The following ATP8B1 variants were observed in gnomAD, a reference collection of about 807,000 sequenced individuals.
The protein encoded by ATP8B1 is phospholipid-transporting ATPase IC.
In ATP8B1, 80 loss-of-function variants were observed where a neutral mutation model predicts 149.9. That is an observed-to-expected ratio of 0.53 (90% CI 0.45 to 0.64). The LOEUF is 0.64. Among genes scored for constraint, ATP8B1 ranks in the 30% least tolerant of loss-of-function variants. ATP8B1 has a pLI of 0.00. For missense variants in ATP8B1, 1,247 were observed against 1,552.6 expected (o/e 0.80, Z 3.31); for synonymous variants, 536 against 562.8 (o/e 0.95, Z 0.67).
rs746056286 is a variant in ATP8B1 at position 57,648,611 on chromosome 18, G to A, written c.3633C>T (p.Phe1211=). ...GGTCCGCGTAGCCCCGCTGGTGCGAGAAGGCGTAGGCCGAGCGCCGCGTTG... is the reference window on the plus strand; with the variant it reads ...GGTCCGCGTAGCCCCGCTGGTGCGAAAAGGCGTAGGCCGAGCGCCGCGTTG... The part of the protein sequence containing the change: ...GVSTRRSAYA[F]SHQRGYADLI... Residue 1211 remains phenylalanine (F), a synonymous_variant, in exon 28 of 28, where the codon TTC becomes TTT. Transcript: ENST00000648908. The A allele has an allele frequency of 6.2e-7, 1 of 1,610,396 alleles. No homozygotes were observed. Among genetic ancestry groups the A allele is most frequent in the East Asian group, 2.2e-5 (1 of 44,820 alleles).
chr18:57,651,631 G>GT (rs1043451940), intron 26 of ATP8B1, among the ~76,000 whole-genome samples: 23 of 150,272 alleles, frequency 1.5e-4, no homozygotes, highest in African/African-American at 2.2e-4. Flanking sequence ...GTTGTGCTTT[G>GT]TTTTTTTTGT....
chr18:57,789,176 T>C (rs2080437849), intron 1 of ATP8B1, among the ~76,000 whole-genome samples: 2 of 152,154 alleles, frequency 1.3e-5, no homozygotes, highest in South Asian at 4.1e-4. Flanking sequence ...AGGACACACT[T>C]ATACTAAAAA....
At position 57,688,497 on chromosome 18, in the gene ATP8B1, T is replaced by C. The variant is rs766497776; in HGVS notation, c.1231A>G (p.Ile411Val). The C allele has an allele frequency of 5.6e-6, 9 of 1,614,024 alleles. No individual in the cohort carries two copies. The East Asian group carries it at 2.0e-4, about 36-fold the overall frequency. ...PISLYVSVEVIRLGQSHFINW... is the reference protein window; with the variant it reads ...PISLYVSVEVVRLGQSHFINW... ...ATGAAGTGACTCTGTCCAAGACGAA[T>C]CACTTCCACGCTAGGAAGACAGAAG... The change falls in exon 13 of 28, where the codon ATT (isoleucine) becomes GTT (valine). Residue 411 changes from isoleucine to valine, a missense_variant. By Grantham distance (29) the Ile-to-Val change is conservative (BLOSUM62 3). Transcript: ENST00000648908.
At chr18:57,791,996 G>T (rs1047529624) in intron 1 of ATP8B1, among the ~76,000 whole-genome samples, 2 of 152,150 alleles carry the variant, frequency 1.3e-5, no homozygotes, top group Non-Finnish European at 2.9e-5. Flanking sequence ...ATAAGTAATT[G>T]TTGAATCACT....
intron 21 of ATP8B1, among the ~76,000 whole-genome samples, chr18:57,662,116 C>T (rs1170532566): frequency 6.6e-6 from 1 of 152,178 alleles, no homozygotes; most frequent in African/African-American, 2.4e-5. Context: ...ATGCTGCAGC[C>T]TCGAACACCT....
chr18:57,652,410 T>A, intron 25 of ATP8B1, 74 bp downstream of exon 25: 1 of 1,590,288 alleles, frequency 6.3e-7, no homozygotes, highest in Non-Finnish European at 8.6e-7. Context: ...CAGGTGGATG[T>A]GCATGCCACC....
At chr18:57,663,675 A>C (rs1264472202) in intron 20 of ATP8B1, among the ~76,000 whole-genome samples, 1 of 151,040 alleles carries the variant, frequency 6.6e-6, no homozygotes, top group Admixed American at 6.6e-5. Flanking sequence ...TCCCCTAATG[A>C]TTAGTGATGA....
Position 57,762,825 on chromosome 18 carries a change from C to T in ATP8B1, c.-25-30993G>A, listed in dbSNP as rs74550896. On this transcript the variant is annotated intron_variant, in intron 1 of 27. Transcript: ENST00000648908. ...CTTAAACTACCAAACCCATTATCTC[C>T]TGATGAAGCAATGTGCTTCCCAAAC... Among the ~76,000 whole-genome samples, 136 of 152,322 alleles carry T rather than the reference C, an allele frequency of 8.9e-4. 2 individuals are homozygous for T. In the East Asian group the frequency reaches 0.019, roughly 21 times the overall value.
chr18:57,672,995 GTA>G (rs57894241), intron 16 of ATP8B1, among the ~76,000 whole-genome samples: 2 of 98,462 alleles, frequency 2.0e-5, no homozygotes, highest in African/African-American at 7.4e-5. Context: ...ATAAATACAT[GTA>G]TATATAAATA....
At position 57,648,245 on chromosome 18, in the gene ATP8B1, T is replaced by TA; in HGVS notation, c.*242dup. The TA allele has an allele frequency of 1.7e-6, 1 of 592,078 alleles. No individual in the cohort carries two copies. Among genetic ancestry groups the TA allele is most frequent in the Non-Finnish European group, 3.0e-6 (1 of 331,216 alleles). The allele number at this position is 592,078 out of a possible 1,614,324, so 36.7% of individuals were successfully genotyped here. A position where few individuals can be genotyped will look rare whatever the true frequency, so the allele number is the denominator to read the frequency against. On this transcript the variant is annotated 3_prime_UTR_variant, in exon 28 of 28. Transcript: ENST00000648908. ...AGGTGATCTCCCCTCCTCAGCCTCC[T>TA]AAAGTGCTGGGATTACAGACCTGAG...
rs113656429 is a variant in ATP8B1 at position 57,792,614 on chromosome 18, G to C, written c.-26+10384C>G. On this transcript the variant is annotated intron_variant, in intron 1 of 27. Transcript: ENST00000648908. ...CGGGGACAAGGCGATAAACCAGGCA[G>C]AGCTAAAAGGTACAGGATTTCTGTT... Among the ~76,000 whole-genome samples the C allele has an allele frequency of 6.2e-3, 937 of 152,302 alleles. 10 individuals carry two copies. Among genetic ancestry groups the C allele is most frequent in the African/African-American group, 0.019 (776 of 41,564 alleles).
At chr18:57,676,202 CA>C (rs1911575306) in intron 15 of ATP8B1, among the ~76,000 whole-genome samples, 1 of 151,906 alleles carries the variant, frequency 6.6e-6, no homozygotes, top group South Asian at 2.1e-4. Flanking sequence ...ACTCTGGCAC[CA>C]AGGCTGGAGT....
intron 6 of ATP8B1, among the ~76,000 whole-genome samples, chr18:57,699,200 G>A (rs146706453): frequency 1.3e-5 from 2 of 152,262 alleles, no homozygotes; most frequent in African/African-American, 4.8e-5. Flanking sequence ...ACTTACAGCC[G>A]TACTTCCACT....
rs547996858 is a variant in ATP8B1 at position 57,698,578 on chromosome 18, A to G, written c.555-711T>C. Among the ~76,000 whole-genome samples the G allele has an allele frequency of 5.3e-5, 8 of 152,160 alleles. No homozygotes were observed. In the South Asian group the frequency reaches 1.7e-3, roughly 32 times the overall value. ...TCGAACTCCTGACCTCAGGTGATCC[A>G]CCCACCTCGGCCTCCCAAAGTGCTG... On this transcript the variant is annotated intron_variant, in intron 6 of 27. Transcript: ENST00000648908.
At chr18:57,728,593 G>A (rs1376564789) in intron 2 of ATP8B1, among the ~76,000 whole-genome samples, 1 of 152,026 alleles carries the variant, frequency 6.6e-6, no homozygotes, top group Non-Finnish European at 1.5e-5. Flanking sequence ...AGAGGTATTA[G>A]AATAAGAATT....
chr18:57,680,934 G>C (rs4940985), intron 15 of ATP8B1, among the ~76,000 whole-genome samples: 1 of 152,006 alleles, frequency 6.6e-6, no homozygotes, highest in African/African-American at 2.4e-5. Context: ...CTGTGCAGGC[G>C]GGAGTCTGCA....
chr18:57,715,303 T>G (rs780503295), intron 2 of ATP8B1, among the ~76,000 whole-genome samples: 43 of 152,088 alleles, frequency 2.8e-4, no homozygotes, highest in Non-Finnish European at 5.1e-4. Context: ...GGTAAGCTAT[T>G]GGAAAATATG....
At chr18:57,667,880 G>A (rs553613044) in intron 19 of ATP8B1, 7 of 261,412 alleles carry the variant, frequency 2.7e-5, no homozygotes, top group African/African-American at 9.0e-5. Flanking sequence ...TGTGTAACCC[G>A]TTGACGATTT....
chr18:57,709,033 G>T (rs1282912267), intron 2 of ATP8B1, among the ~76,000 whole-genome samples: 1 of 152,198 alleles, frequency 6.6e-6, no homozygotes, highest in Admixed American at 6.5e-5. Context: ...GTATGTCTTT[G>T]TCTGCAATTG....
Sources: allele counts gnomAD v4.1 joint callset (sites outside exome capture counted in the v4.1 genomes callset), GRCh38; gene constraint gnomAD v4.1.1; transcripts MANE v1.5; gene names NCBI Gene and HGNC (gene_info 2026-07-23, HGNC 2026-07-21).